SPTA1: variants seen among roughly 807,000 people sequenced by gnomAD.
SPTA1 encodes the protein spectrin alpha, erythrocytic 1.
A neutral mutation model predicts 324.7 loss-of-function variants in SPTA1; 177 were observed. The observed-to-expected ratio is 0.55, with a 90% CI of 0.48 to 0.62. The LOEUF is 0.62. Ranked by LOEUF, SPTA1 falls within the 20% of genes least tolerant of loss-of-function variation. SPTA1 has a pLI of 0.00. For synonymous variants in SPTA1, 1,195 were observed against 1,041.3 expected (o/e 1.15, Z -2.84); for missense variants, 3,162 against 2,883.6 (o/e 1.10, Z -2.21).
At chr1:158,682,194 A>G (rs1043693577) in intron 3 of SPTA1, among the ~76,000 whole-genome samples, 1 of 152,200 alleles carries the variant, frequency 6.6e-6, no homozygotes, top group African/African-American at 2.4e-5. Context: ...AGGGCTTTGA[A>G]TGCCAGATTA....
chr1:158,661,308 C>A lies in SPTA1; in HGVS notation c.2566G>T (p.Gly856Ter). ...EPRIQEITER[G>*]NKMVEEGHFA... Reference sequence around the variant, plus strand: ...ATACCTTCCTCTACCATTTTGTTTCCCCTTTCTGTTATCTCTTGAATGCGT... The same window carrying A: ...ATACCTTCCTCTACCATTTTGTTTCACCTTTCTGTTATCTCTTGAATGCGT... Residue 856 changes from glycine to a stop codon, truncating the protein, a stop_gained, in exon 18 of 52, where the codon GGA becomes TGA. Coordinates refer to ENST00000643759, the MANE Select transcript of SPTA1 (RefSeq NM_003126.4). LOFTEE classifies it high-confidence loss of function. 3 of 1,613,822 alleles carry A rather than the reference C, an allele frequency of 1.9e-6. No homozygotes were observed. Among genetic ancestry groups the A allele is most frequent in the Non-Finnish European group, 1.7e-6 (2 of 1,179,852 alleles).
chr1:158,654,789 A>T (rs1652708389), intron 20 of SPTA1, 41 bp from the exon 21 acceptor site: 1 of 1,610,568 alleles, frequency 6.2e-7, no homozygotes, highest in Non-Finnish European at 8.5e-7. Context: ...ACGCACTGGA[A>T]ATATCTCCCT....
intron 38 of SPTA1, among the ~76,000 whole-genome samples, chr1:158,635,029 T>G (rs1296604653): frequency 1.3e-5 from 2 of 152,214 alleles, no homozygotes; most frequent in Non-Finnish European, 2.9e-5. Context: ...CACTGCCTTC[T>G]TTCGTATATG....
At chr1:158,643,102 T>C in intron 31 of SPTA1, 126 bp from the exon 32 acceptor site, 3 of 1,398,466 alleles carry the variant, frequency 2.1e-6, no homozygotes, top group Admixed American at 2.0e-5. Flanking sequence ...TTATTTTCAT[T>C]ATAAAATGCA....
At chr1:158,683,592 G>A in intron 2 of SPTA1, 96 bp from the exon 3 acceptor site, 2 of 1,527,130 alleles carry the variant, frequency 1.3e-6, no homozygotes, top group African/African-American at 1.4e-5. Context: ...GTTCTCAAAG[G>A]GTCCCAGACT....
intron 39 of SPTA1, among the ~76,000 whole-genome samples, chr1:158,627,978 T>C (rs758533386): frequency 6.6e-6 from 1 of 152,206 alleles, no homozygotes; most frequent in Non-Finnish European, 1.5e-5. Flanking sequence ...ATGTGACTAA[T>C]CTTATTTTGA....
chr1:158,683,259 C>G (rs867436624), intron 3 of SPTA1, 112 bp downstream of exon 3: 6 of 1,480,794 alleles, frequency 4.1e-6, no homozygotes, highest in Non-Finnish European at 5.6e-6. Context: ...AGATAAGAGG[C>G]AGGAGTCCTG....
At chr1:158,684,323 T>C (rs906128518) in intron 2 of SPTA1, among the ~76,000 whole-genome samples, 1 of 152,104 alleles carries the variant, frequency 6.6e-6, no homozygotes, top group Non-Finnish European at 1.5e-5. Context: ...TTAACCTGGT[T>C]AACTCTTATA....
chr1:158,654,000 A>G (rs1652648369), intron 21 of SPTA1, among the ~76,000 whole-genome samples: 1 of 152,236 alleles, frequency 6.6e-6, no homozygotes, highest in Admixed American at 6.5e-5. Context: ...ATAATGAAAC[A>G]TCTGCCGCTC....
At chr1:158,614,433 T>G in intron 48 of SPTA1, 127 bp from the exon 49 acceptor site, 1 of 715,690 alleles carries the variant, frequency 1.4e-6, no homozygotes, top group South Asian at 1.7e-5. Context: ...AGTTCAAGAG[T>G]TGGCAAACTA....
chr1:158,636,231 T>G (rs993793686), intron 37 of SPTA1, among the ~76,000 whole-genome samples, 197 bp from the exon 38 acceptor site: 2 of 152,190 alleles, frequency 1.3e-5, no homozygotes, highest in African/African-American at 4.8e-5. Flanking sequence ...TTCCCAAGTA[T>G]TTGCAAATAT....
intron 5 of SPTA1, 42 bp from the exon 6 acceptor site, chr1:158,678,576 T>C (rs750502924): frequency 1.9e-6 from 3 of 1,604,996 alleles, no homozygotes; most frequent in South Asian, 2.2e-5. Flanking sequence ...AGAGATGAGA[T>C]TATATTTAAA....
chr1:158,638,224 C>G lies in SPTA1; in HGVS notation c.4998G>C (p.Leu1666=), dbSNP rs1445599644. The part of the protein sequence containing the change: ...MLAREDALKD[L]NTLAEDLLSS... The stretch of plus-strand genomic sequence containing the variant: ...AGAGCAAATCTTCAGCCAATGTATT[C>G]AGGTCCTTGAGTGCATCCTAGAAAG... Residue 1666 remains leucine (L), a synonymous_variant, in exon 36 of 52, where the codon CTG becomes CTC. Coordinates refer to ENST00000643759, the MANE Select transcript of SPTA1 (RefSeq NM_003126.4). 1 of 1,612,798 alleles carries G rather than the reference C, an allele frequency of 6.2e-7. No homozygotes were observed. The highest frequency in any genetic ancestry group is 8.5e-7 in the Non-Finnish European group (1 of 1,179,918).
chr1:158,617,077 C>G (rs1322419526), intron 47 of SPTA1, among the ~76,000 whole-genome samples: 1 of 152,102 alleles, frequency 6.6e-6, no homozygotes, highest in African/African-American at 2.4e-5. Flanking sequence ...CTGTTCTAAC[C>G]CATTACTTCG....
chr1:158,653,549 T>G (rs988395616), intron 21 of SPTA1, 124 bp from the exon 22 acceptor site: 142 of 1,271,754 alleles, frequency 1.1e-4, no homozygotes, highest in Non-Finnish European at 1.5e-4. Flanking sequence ...TAACCATGTC[T>G]AATGAGTGGC....
Position 158,635,987 on chromosome 1 carries a change from C to T in SPTA1, c.5358G>A (p.Gly1786=), listed in dbSNP as rs368542665. Reference sequence around the variant, plus strand: ...CCAGCCGCAACTGGATCTCCTCTTGCCCCACAGCAGCCTTGTCTTTCAGCT... The same window carrying T: ...CCAGCCGCAACTGGATCTCCTCTTGTCCCACAGCAGCCTTGTCTTTCAGCT... ...AEKLKDKAAV[G]QEEIQLRLAQ... Residue 1786 remains glycine, a synonymous_variant, in exon 38 of 52, where the codon GGG becomes GGA. Coordinates refer to ENST00000643759, the MANE Select transcript of SPTA1 (RefSeq NM_003126.4). 76 of 1,614,054 alleles carry T rather than the reference C, an allele frequency of 4.7e-5. No homozygotes were observed. Among genetic ancestry groups the T allele is most frequent in the Non-Finnish European group, 6.0e-5 (71 of 1,180,020 alleles).
chr1:158,654,771 T>G, intron 20 of SPTA1, 23 bp from the exon 21 acceptor site: 2 of 1,612,288 alleles, frequency 1.2e-6, no homozygotes, highest in Non-Finnish European at 1.7e-6. Flanking sequence ...AGGAAGCAGG[T>G]GTCAGTCACG....
At position 158,681,540 on chromosome 1, in the gene SPTA1, C is replaced by T. The variant is rs1454601205; in HGVS notation, c.518G>A (p.Trp173Ter). ...YVQECADILE[W>*]IGDKEAIATS... ...TAAGTTCGATACCTTGTCTCCAATCCACTCTAAGATGTCAGCACACTCCTG... is the reference window on the plus strand; with the variant it reads ...TAAGTTCGATACCTTGTCTCCAATCTACTCTAAGATGTCAGCACACTCCTG... The change falls in exon 4 of 52, where the codon TGG (tryptophan) becomes TAG (stop). Residue 173 changes from tryptophan (W) to a stop codon, truncating the protein, a stop_gained. Coordinates refer to ENST00000643759, the MANE Select transcript of SPTA1 (RefSeq NM_003126.4). LOFTEE classifies it high-confidence loss of function. The T allele has an allele frequency of 1.9e-6, 3 of 1,613,578 alleles. No homozygotes were observed. The African/African-American group carries it at 4.0e-5, about 22-fold the overall frequency.
At chr1:158,653,605 A>G (rs1652619895) in intron 21 of SPTA1, among the ~76,000 whole-genome samples, 180 bp from the exon 22 acceptor site, 2 of 152,222 alleles carry the variant, frequency 1.3e-5, no homozygotes, top group African/African-American at 4.8e-5. Context: ...AGAATTGCAT[A>G]GACAAGCCCC....
Sources: gnomAD v4.1 joint callset for allele counts (sites outside exome capture counted in the v4.1 genomes callset) on GRCh38, gnomAD v4.1.1 for gene constraint, MANE v1.5 for transcripts, NCBI Gene and HGNC (gene_info 2026-07-23, HGNC 2026-07-21) for gene names.